RBBP8: variants seen among roughly 807,000 people sequenced by gnomAD.
The protein encoded by RBBP8 is DNA endonuclease RBBP8.
In RBBP8, 88 loss-of-function variants were observed where a neutral mutation model predicts 108.3. That is an observed-to-expected ratio of 0.81 (90% CI 0.68 to 0.97). The LOEUF (loss-of-function observed/expected upper bound fraction) is 0.97. Ranked by LOEUF, RBBP8 falls within the 50% of genes least tolerant of loss-of-function variation. The pLI, the probability that RBBP8 is intolerant of heterozygous loss-of-function variation, is 0.00. For missense variants in RBBP8, 1,023 were observed against 1,049.0 expected, an observed-to-expected ratio of 0.98 and a Z score of 0.34; for synonymous variants, 332 against 348.2, an observed-to-expected ratio of 0.95 and a Z score of 0.52.
At chr18:22,920,785 G>A (rs1909563928) in intron 3 of RBBP8, 1 of 152,148 alleles carries the variant, frequency 6.6e-6, no homozygotes, top group Non-Finnish European at 1.5e-5. Flanking sequence ...TATTAAAAAT[G>A]CAGATCGATA....
intron 3 of RBBP8, among the ~76,000 whole-genome samples, chr18:22,921,942 T>C (rs948892888): frequency 2.0e-5 from 3 of 152,292 alleles, no homozygotes; most frequent in South Asian, 2.1e-4. Flanking sequence ...ATTGACTACA[T>C]TGGACCCTCG....
Position 23,022,222 on chromosome 18 carries a change from A to G in RBBP8, c.2548A>G (p.Asn850Asp), listed in dbSNP as rs1172532388. Residue 850 changes from asparagine (N) to aspartate (D), a missense_variant, in exon 18 of 19, where the codon AAT becomes GAT. By Grantham distance (23) the Asn-to-Asp change is conservative (BLOSUM62 1). Coordinates refer to ENST00000327155, the MANE Select transcript of RBBP8 (RefSeq NM_002894.3). ...CTACATTCCACCCAACACACCAGAG[A>G]ATTTTTGGGAAGTTGGTTTTCCTTC... ...FRYIPPNTPE[N>D]FWEVGFPSTQ... The G allele has an allele frequency of 6.2e-7, 1 of 1,612,630 alleles. No individual in the cohort carries two copies. Among genetic ancestry groups the G allele is most frequent in the Non-Finnish European group, 8.5e-7 (1 of 1,178,776 alleles).
chr18:22,972,307 T>G (rs1914156398), intron 5 of RBBP8, among the ~76,000 whole-genome samples: 1 of 144,028 alleles, frequency 6.9e-6, no homozygotes, highest in African/African-American at 2.6e-5. Context: ...TGAGCCAAGA[T>G]TGCGCCACTG....
intron 3 of RBBP8, among the ~76,000 whole-genome samples, chr18:22,925,912 C>G (rs1353461618): frequency 6.6e-6 from 1 of 152,126 alleles, no homozygotes; most frequent in African/African-American, 2.4e-5. Context: ...TTTTACTCTA[C>G]AGTCTTAGTG....
At chr18:23,007,211 G>A (rs1418924677) in intron 16 of RBBP8, among the ~76,000 whole-genome samples, 2 of 151,058 alleles carry the variant, frequency 1.3e-5, no homozygotes, top group Non-Finnish European at 2.9e-5. Flanking sequence ...ATTAGAGATG[G>A]GATTTCACCA....
chr18:23,005,436 C>T (rs113047993), intron 15 of RBBP8, among the ~76,000 whole-genome samples: 9,663 of 151,930 alleles, frequency 0.064, 343 homozygotes, highest in Middle Eastern at 0.12. Context: ...TTTTTTGAGA[C>T]GGAGTCTTGC....
Position 23,016,810 on chromosome 18 carries a change from A to T in RBBP8, c.2358-18A>T. 1 of 1,528,512 alleles carries T rather than the reference A, an allele frequency of 6.5e-7. No individual in the cohort carries two copies. Among genetic ancestry groups the T allele is most frequent in the South Asian group, 1.1e-5 (1 of 89,294 alleles). 94.7% of individuals were successfully genotyped at this position (1,528,512 alleles called of 1,614,324 possible). The stretch of plus-strand genomic sequence containing the variant: ...TCTGAACTCTAAGCTTTGTTAATTT[A>T]ATTCATTTTTCCCCCAGAGAGACTA... On this transcript the variant is annotated intron_variant, in intron 16 of 18. Coordinates refer to ENST00000327155, the MANE Select transcript of RBBP8 (RefSeq NM_002894.3).
chr18:22,993,330 G>A lies in RBBP8; in HGVS notation c.1503G>A (p.Gln501=). The part of the protein sequence containing the change: ...LDLSDRFSAI[Q]RQEKSQGSET... Reference sequence around the variant, plus strand: ...TGTCTGATCGATTTTCAGCTATTCAGCGTCAAGAGAAAAGCCAAGGAAGTG... The same window carrying A: ...TGTCTGATCGATTTTCAGCTATTCAACGTCAAGAGAAAAGCCAAGGAAGTG... Residue 501 remains glutamine (Q), a synonymous_variant, in exon 11 of 19, where the codon CAG becomes CAA. Coordinates refer to ENST00000327155, the MANE Select transcript of RBBP8 (RefSeq NM_002894.3). 3.7e-6 allele frequency: 6 copies of A among 1,614,212 alleles called. No homozygotes were observed. Among genetic ancestry groups the A allele is most frequent in the Non-Finnish European group, 5.1e-6 (6 of 1,180,028 alleles).
At chr18:22,950,121 T>C (rs1024359015) in intron 4 of RBBP8, 1 of 170,504 alleles carries the variant, frequency 5.9e-6, no homozygotes, top group Admixed American at 5.9e-5. Flanking sequence ...ATCTTCTTTC[T>C]GAGTATTCCT....
upstream of RBBP8, among the ~76,000 whole-genome samples, chr18:22,929,736 GAAAA>G (rs1356849003): frequency 6.6e-6 from 1 of 152,008 alleles, no homozygotes; most frequent in Non-Finnish European, 1.5e-5. Flanking sequence ...GGTTGAGAAA[GAAAA>G]AAGCAAGTTT....
rs7407415 is a variant in RBBP8, at chr18:22,982,555, G to A, written c.604+162G>A. ...CTATTTGTAAAGTGACTGAGAAGGCGTTTTCTGCCCGTGTTATGTATAGAT... is the reference window on the plus strand; with the variant it reads ...CTATTTGTAAAGTGACTGAGAAGGCATTTTCTGCCCGTGTTATGTATAGAT... On this transcript the variant is annotated intron_variant, in intron 7 of 18. Coordinates refer to ENST00000327155, the MANE Select transcript of RBBP8 (RefSeq NM_002894.3). 1 allele frequency among the ~76,000 whole-genome samples: 152,041 copies of A among 152,350 alleles called. 75,868 individuals carry two copies. The highest frequency in any genetic ancestry group is 1 in the Middle Eastern group (294 of 294).
chr18:22,933,267 C>A (rs1424355941), upstream of RBBP8: 1 of 152,220 alleles, frequency 6.6e-6, no homozygotes, highest in East Asian at 1.9e-4. Flanking sequence ...TCAGCTAGGG[C>A]ACGAAGTGCG....
chr18:22,993,886 A>C (rs1466549993), intron 12 of RBBP8, 39 bp downstream of exon 12: 1 of 1,590,446 alleles, frequency 6.3e-7, no homozygotes, highest in Non-Finnish European at 8.6e-7. Context: ...TTTTTTAATG[A>C]CTTCAGATTG....
At chr18:22,951,659 G>A (rs1468670246) in intron 4 of RBBP8, among the ~76,000 whole-genome samples, 2 of 152,202 alleles carry the variant, frequency 1.3e-5, no homozygotes, top group African/African-American at 4.8e-5. Context: ...TTGTCCCCAT[G>A]ACTGTGTCCT....
chr18:22,917,398 G>C (rs1427931009), intron 3 of RBBP8, among the ~76,000 whole-genome samples: 2 of 152,172 alleles, frequency 1.3e-5, no homozygotes, highest in African/African-American at 2.4e-5. Context: ...TTAACTCTCT[G>C]AGTTAGCTTT....
intron 12 of RBBP8, 107 bp from the exon 13 acceptor site, chr18:22,996,267 C>T: frequency 6.6e-7 from 1 of 1,520,358 alleles, no homozygotes; most frequent in South Asian, 1.2e-5. Flanking sequence ...CTTTACCAGA[C>T]ATATGATTTG....
intron 4 of RBBP8, among the ~76,000 whole-genome samples, chr18:22,962,703 C>G (rs969324563): frequency 6.2e-5 from 9 of 145,428 alleles, no homozygotes; most frequent in African/African-American, 1.7e-4. Flanking sequence ...TCCTCTCCAC[C>G]CCCCCTACCT....
At chr18:23,024,783 T>G (rs1398945229) in intron 18 of RBBP8, 1 of 152,262 alleles carries the variant, frequency 6.6e-6, no homozygotes, top group Non-Finnish European at 1.5e-5. Context: ...TTAGAATATT[T>G]ATGATTTGAC....
chr18:23,018,579 A>G (rs1392084932), intron 17 of RBBP8, among the ~76,000 whole-genome samples: 3 of 152,174 alleles, frequency 2.0e-5, no homozygotes, highest in African/African-American at 7.2e-5. Flanking sequence ...ATTCTTTCAT[A>G]TGCTTTAAAT....
Sources: allele counts gnomAD v4.1 joint callset (sites outside exome capture counted in the v4.1 genomes callset), GRCh38; gene constraint gnomAD v4.1.1; transcripts MANE v1.5; gene names NCBI Gene and HGNC (gene_info 2026-07-23, HGNC 2026-07-21).